Variants in SARNP observed in about 807,000 individuals in gnomAD.
SARNP encodes SAP domain-containing ribonucleoprotein.
A neutral mutation model predicts 38.1 loss-of-function variants in SARNP; 5 were observed. That is an observed-to-expected ratio of 0.13 (90% confidence interval 0.07 to 0.28). SARNP has a LOEUF of 0.28. Ranked by LOEUF, SARNP falls within the 10% of genes least tolerant of loss-of-function variation. The pLI, the probability that SARNP is intolerant of heterozygous loss-of-function variation, is 1.00. For synonymous variants in SARNP, 84 were observed against 80.6 expected (o/e 1.04, Z -0.23); for missense variants, 180 against 243.9 (o/e 0.74, Z 1.75).
chr12:55,816,648 A>AT (rs1293992217), intron 1 of SARNP, among the ~76,000 whole-genome samples: 3 of 152,260 alleles, frequency 2.0e-5, no homozygotes, highest in Non-Finnish European at 4.4e-5. Context: ...AGTTTCAGCT[A>AT]TATCAGCCTG....
At chr12:55,800,714 A>G in intron 3 of SARNP, 85 bp from the exon 4 acceptor site, 1 of 1,328,246 alleles carries the variant, frequency 7.5e-7, no homozygotes, top group Non-Finnish European at 1.1e-6. Context: ...TCCAAAATAA[A>G]CCAGTCTCTC....
At chr12:55,804,417 G>GAAA (rs761267629) in intron 1 of SARNP, among the ~76,000 whole-genome samples, 2 of 119,766 alleles carry the variant, frequency 1.7e-5, no homozygotes, top group African/African-American at 5.7e-5. Context: ...CACGGAAACA[G>GAAA]AAAAAAAAAA....
chr12:55,799,051 AGT>A (rs1276099572), intron 4 of SARNP, among the ~76,000 whole-genome samples: 2 of 152,338 alleles, frequency 1.3e-5, no homozygotes, highest in East Asian at 1.9e-4. Flanking sequence ...AAGTGTGCAC[AGT>A]GTGTGTATAC....
intron 9 of SARNP, among the ~76,000 whole-genome samples, chr12:55,773,475 A>C (rs1330416222): frequency 2.0e-5 from 3 of 152,224 alleles, no homozygotes; most frequent in Admixed American, 1.3e-4. Flanking sequence ...AGAGGACTCT[A>C]GGTAGCACAC....
At chr12:55,782,107 T>C (rs1466357988) in intron 9 of SARNP, among the ~76,000 whole-genome samples, 1 of 152,212 alleles carries the variant, frequency 6.6e-6, no homozygotes, top group Non-Finnish European at 1.5e-5. Flanking sequence ...CAAGGTTTAC[T>C]GGACTTAAGA....
At chr12:55,756,789 G>A (rs1266479321), downstream of SARNP, 2 of 152,218 alleles carry the variant, frequency 1.3e-5, no homozygotes, top group Admixed American at 6.5e-5. Flanking sequence ...CTGTCTCTGA[G>A]GGATATCCAG....
chr12:55,804,807 G>A (rs1880089279), intron 1 of SARNP, among the ~76,000 whole-genome samples: 1 of 152,170 alleles, frequency 6.6e-6, no homozygotes, highest in African/African-American at 2.4e-5. Flanking sequence ...TGGTCTGAAA[G>A]ATGACCTTTT....
At chr12:55,770,121 C>T (rs1450168523) in intron 9 of SARNP, among the ~76,000 whole-genome samples, 2 of 152,036 alleles carry the variant, frequency 1.3e-5, no homozygotes, top group Admixed American at 1.3e-4. Flanking sequence ...TGCTGCTGGT[C>T]CCTTAAGAAC....
At chr12:55,759,654 T>A (rs1878616536) in intron 10 of SARNP, among the ~76,000 whole-genome samples, 1 of 152,234 alleles carries the variant, frequency 6.6e-6, no homozygotes, top group South Asian at 2.1e-4. Flanking sequence ...TTGGCCAGGC[T>A]GATCTTGAAC....
chr12:55,784,035 T>C (rs1444400828), intron 9 of SARNP, among the ~76,000 whole-genome samples: 1 of 152,068 alleles, frequency 6.6e-6, no homozygotes, highest in African/African-American at 2.4e-5. Flanking sequence ...AGTAGCCAAG[T>C]CCACTAAAGA....
At chr12:55,785,408 G>GA (rs1446653383) in intron 9 of SARNP, among the ~76,000 whole-genome samples, 1 of 151,040 alleles carries the variant, frequency 6.6e-6, no homozygotes, top group Non-Finnish European at 1.5e-5. Context: ...ACTGAACTAA[G>GA]AAAAAAGGAA....
At chr12:55,799,950 G>A (rs1269076596) in intron 4 of SARNP, among the ~76,000 whole-genome samples, 1 of 151,124 alleles carries the variant, frequency 6.6e-6, no homozygotes, top group Non-Finnish European at 1.5e-5. Context: ...AGCACTTTGG[G>A]ACGCCAAGGC....
intron 1 of SARNP, among the ~76,000 whole-genome samples, chr12:55,805,269 A>G (rs1880105402): frequency 6.6e-6 from 1 of 152,244 alleles, no homozygotes; most frequent in Non-Finnish European, 1.5e-5. Flanking sequence ...TCAAAAATAA[A>G]TAAATAAAAT....
intron 9 of SARNP, among the ~76,000 whole-genome samples, chr12:55,782,321 T>C (rs1238192284): frequency 6.6e-6 from 1 of 152,228 alleles, no homozygotes; most frequent in East Asian, 1.9e-4. Context: ...TCCAGTTTTC[T>C]GCTTAGTGCC....
chr12:55,777,012 CA>C (rs754081745), intron 9 of SARNP, among the ~76,000 whole-genome samples: 14 of 152,132 alleles, frequency 9.2e-5, no homozygotes, highest in Non-Finnish European at 1.9e-4. Flanking sequence ...CAAAGAGAGG[CA>C]TAAAACTTGT....
rs199874808 is a variant in SARNP, at chr12:55,762,305, CT to C, written c.502-1666del. 6.0e-3 allele frequency among the ~76,000 whole-genome samples: 824 copies of C among 137,200 alleles called. 1 individual carries two copies. Among genetic ancestry groups the C allele is most frequent in the Admixed American group, 7.5e-3 (102 of 13,630 alleles). 90.0% of individuals were successfully genotyped at this position (137,200 alleles called of 152,430 possible). A position where few individuals can be genotyped will look rare whatever the true frequency, so the allele number is the denominator to read the frequency against. On this transcript the variant is annotated intron_variant, in intron 9 of 10. Transcript: ENST00000336133. ...TCCGTCTCCAAAGAGTTCAAACAAA[CT>C]TTTTTTTTTTTTTTTTTGAGACAGA...
At position 55,789,244 on chromosome 12, in the gene SARNP, T is replaced by C. The variant is rs139849922; in HGVS notation, c.433-101A>G. ...GAAGCTAAGAGTTCAAATAAGCCTATAACATCAAAGACACCCTATGAGCAA... is the reference window on the plus strand; with the variant it reads ...GAAGCTAAGAGTTCAAATAAGCCTACAACATCAAAGACACCCTATGAGCAA... On this transcript the variant is annotated intron_variant, in intron 8 of 10. Transcript: ENST00000336133. 783 of 779,402 alleles carry C rather than the reference T, an allele frequency of 1.0e-3. 7 individuals carry two copies. The African/African-American group carries it at 0.013, about 13-fold the overall frequency. 48.3% of individuals were successfully genotyped at this position (779,402 alleles called of 1,614,324 possible). A position where few individuals can be genotyped will look rare whatever the true frequency, so the allele number is the denominator to read the frequency against.
chr12:55,798,610 G>C (rs1005296497), intron 4 of SARNP, among the ~76,000 whole-genome samples: 36 of 152,246 alleles, frequency 2.4e-4, no homozygotes, highest in Admixed American at 1.0e-3. Flanking sequence ...GTATACTTGT[G>C]AGTATAAATA....
At chr12:55,769,482 A>G (rs931133727) in intron 9 of SARNP, among the ~76,000 whole-genome samples, 1 of 152,212 alleles carries the variant, frequency 6.6e-6, no homozygotes, top group Non-Finnish European at 1.5e-5. Context: ...CCCAGATCCA[A>G]AAGAGTTATG....
Sources: gnomAD v4.1 joint callset for allele counts (sites outside exome capture counted in the v4.1 genomes callset) on GRCh38, gnomAD v4.1.1 for gene constraint, MANE v1.5 for transcripts, NCBI Gene and HGNC (gene_info 2026-07-23, HGNC 2026-07-21) for gene names.